The following MINDY4 variants were observed in gnomAD, a reference collection of about 807,000 sequenced individuals.
The protein encoded by MINDY4 is probable ubiquitin carboxyl-terminal hydrolase MINDY-4.
In MINDY4, 68 loss-of-function variants were observed where a neutral mutation model predicts 87.0. That is an observed-to-expected ratio of 0.78 (90% confidence interval 0.64 to 0.96). MINDY4 has a LOEUF of 0.96. Ranked by LOEUF, MINDY4 falls within the 40% of genes least tolerant of loss-of-function variation. MINDY4 has a pLI of 0.00. For missense variants in MINDY4, 919 were observed against 928.2 expected, an observed-to-expected ratio of 0.99 and a Z score of 0.13; for synonymous variants, 379 against 363.2, an observed-to-expected ratio of 1.04 and a Z score of -0.50.
chr7:30,844,215 C>T (rs1339622339), intron 9 of MINDY4, among the ~76,000 whole-genome samples: 7 of 152,148 alleles, frequency 4.6e-5, no homozygotes, highest in African/African-American at 1.7e-4. Flanking sequence ...CCTAGCAGGC[C>T]TCAGGGGACA....
At chr7:30,868,887 C>G (rs1458633348) in intron 13 of MINDY4, among the ~76,000 whole-genome samples, 1 of 152,156 alleles carries the variant, frequency 6.6e-6, no homozygotes, top group Admixed American at 6.5e-5. Flanking sequence ...GGGTTCTGAC[C>G]CTTCGCTGCC....
At chr7:30,778,231 G>A in intron 1 of MINDY4, among the ~76,000 whole-genome samples, 1 of 152,184 alleles carries the variant, frequency 6.6e-6, no homozygotes, top group East Asian at 1.9e-4. Flanking sequence ...CTGCGAAATG[G>A]CCTGAAAACT....
At chr7:30,793,471 A>G (rs1467773457) in intron 5 of MINDY4, among the ~76,000 whole-genome samples, 2 of 150,000 alleles carry the variant, frequency 1.3e-5, no homozygotes, top group East Asian at 3.9e-4. Context: ...GATGGAGCAC[A>G]GTGGCGCAAT....
At position 30,874,768 on chromosome 7, in the gene MINDY4, G is replaced by T. The variant is rs528421354; in HGVS notation, c.1810-727G>T. Among the ~76,000 whole-genome samples the T allele has an allele frequency of 2.0e-5, 3 of 152,272 alleles. No individual in the cohort carries two copies. In the South Asian group the frequency reaches 6.2e-4, roughly 32 times the overall value. On this transcript the variant is annotated intron_variant, in intron 14 of 17. Transcript: ENST00000265299. ...TACCTTCCTCGGCTTTCCCTGCCCT[G>T]TTAAAACCCCACCGTCACTAATGAA... is the stretch of plus-strand genomic sequence containing the variant.
intron 6 of MINDY4, among the ~76,000 whole-genome samples, chr7:30,831,458 A>T (rs1474802113): frequency 6.6e-6 from 1 of 152,178 alleles, no homozygotes; most frequent in Non-Finnish European, 1.5e-5. Flanking sequence ...AAATAGAAAG[A>T]TAAGGACATA....
In MINDY4 at chr7:30,785,863, A is replaced by G. The variant is rs1312216015; in HGVS notation, c.534A>G (p.Ala178=). 3 of 1,614,238 alleles carry G rather than the reference A, an allele frequency of 1.9e-6. No homozygotes were observed. The highest frequency in any genetic ancestry group is 4.5e-5 in the East Asian group (2 of 44,888). ...GTGAAACTCCTGTGTTGACTTCTGCATGGGAGAAGATAGACAAGCTTCACT... is the reference window on the plus strand; with the variant it reads ...GTGAAACTCCTGTGTTGACTTCTGCGTGGGAGAAGATAGACAAGCTTCACT... ...VPGETPVLTS[A]WEKIDKLHSE... is the part of the protein sequence containing the mutation. Residue 178 remains alanine, a synonymous_variant, in exon 4 of 18, where the codon GCA becomes GCG. Coordinates refer to ENST00000265299, the MANE Select transcript of MINDY4 (RefSeq NM_032222.3).
At chr7:30,889,587 A>G (rs1790735519) in intron 17 of MINDY4, among the ~76,000 whole-genome samples, 1 of 152,226 alleles carries the variant, frequency 6.6e-6, no homozygotes. Flanking sequence ...AGTGAAGATG[A>G]ACGCTCTGAT....
chr7:30,793,075 T>C (rs1361155559), intron 5 of MINDY4, among the ~76,000 whole-genome samples: 1 of 148,800 alleles, frequency 6.7e-6, no homozygotes, highest in Non-Finnish European at 1.5e-5. Flanking sequence ...ACCCATGGGT[T>C]ATTTAGGCAT....
intron 13 of MINDY4, among the ~76,000 whole-genome samples, chr7:30,867,227 C>T (rs557222786): frequency 1.8e-4 from 28 of 152,276 alleles, no homozygotes; most frequent in East Asian, 5.8e-4. Flanking sequence ...AGTTGATATC[C>T]GCTGTATCCA....
At chr7:30,784,540 G>A (rs1475035865) in intron 3 of MINDY4, among the ~76,000 whole-genome samples, 1 of 152,192 alleles carries the variant, frequency 6.6e-6, no homozygotes, top group Non-Finnish European at 1.5e-5. Context: ...GTCTGGCCAT[G>A]CCGCTATCCT....
chr7:30,867,484 G>A (rs1416953570), intron 13 of MINDY4, among the ~76,000 whole-genome samples: 2 of 152,132 alleles, frequency 1.3e-5, no homozygotes, highest in African/African-American at 4.8e-5. Context: ...TTAATAGAAG[G>A]AGGCATCATT....
chr7:30,836,937 A>G (rs1224412171), intron 7 of MINDY4, among the ~76,000 whole-genome samples, 173 bp downstream of exon 7: 1 of 152,166 alleles, frequency 6.6e-6, no homozygotes, highest in African/African-American at 2.4e-5. Context: ...GGAAAACTGC[A>G]GTCTAGTCCT....
At chr7:30,833,669 A>T (rs1040660829) in intron 6 of MINDY4, among the ~76,000 whole-genome samples, 1 of 152,248 alleles carries the variant, frequency 6.6e-6, no homozygotes, top group African/African-American at 2.4e-5. Flanking sequence ...CCACAGTTTA[A>T]AGTCTCATTT....
At chr7:30,799,164 A>AG (rs1288146785) in intron 5 of MINDY4, among the ~76,000 whole-genome samples, 1 of 152,108 alleles carries the variant, frequency 6.6e-6, no homozygotes, top group African/African-American at 2.4e-5. Flanking sequence ...CTGTAAATGA[A>AG]GGGGTAGGAT....
intron 5 of MINDY4, among the ~76,000 whole-genome samples, chr7:30,794,044 A>G (rs1787404807): frequency 6.6e-6 from 1 of 152,186 alleles, no homozygotes; most frequent in Non-Finnish European, 1.5e-5. Flanking sequence ...CAGACTGGCA[A>G]ATGGAATATG....
chr7:30,810,981 C>A (rs1195002384), intron 5 of MINDY4, among the ~76,000 whole-genome samples: 1 of 152,100 alleles, frequency 6.6e-6, no homozygotes, highest in African/African-American at 2.4e-5. Flanking sequence ...TTCCACTTTT[C>A]TTTCCCTCAA....
At chr7:30,863,728 C>T (rs73301943) in intron 13 of MINDY4, among the ~76,000 whole-genome samples, 3 of 152,304 alleles carry the variant, frequency 2.0e-5, no homozygotes, top group African/African-American at 4.8e-5. Flanking sequence ...CAAGAAGAGT[C>T]GAGAAACAGA....
intron 6 of MINDY4, among the ~76,000 whole-genome samples, chr7:30,832,947 A>T (rs1049257130): frequency 6.6e-6 from 1 of 152,092 alleles, no homozygotes; most frequent in Admixed American, 6.5e-5. Flanking sequence ...TGCTTAATCT[A>T]TATCTTTTTC....
At position 30,892,143 on chromosome 7, in the gene MINDY4, C is replaced by T; in HGVS notation, c.*138C>T. Reference sequence around the variant, plus strand: ...ATGACTGCAGAAGCATCCAGAGCCTCCCTGCCCCTTCCATGAAGGGCCCAC... The same window carrying T: ...ATGACTGCAGAAGCATCCAGAGCCTTCCTGCCCCTTCCATGAAGGGCCCAC... On this transcript the variant is annotated 3_prime_UTR_variant, in exon 18 of 18. Coordinates refer to ENST00000265299, the MANE Select transcript of MINDY4 (RefSeq NM_032222.3). 1.1e-6 allele frequency: 1 copy of T among 879,908 alleles called. No homozygotes were observed. Among genetic ancestry groups the T allele is most frequent in the South Asian group, 1.5e-5 (1 of 67,424 alleles). The allele number at this position is 879,908 out of a possible 1,614,324, so 54.5% of individuals were successfully genotyped here. A position where few individuals can be genotyped will look rare whatever the true frequency, so the allele number is the denominator to read the frequency against.
Sources: gnomAD v4.1 joint callset for allele counts (sites outside exome capture counted in the v4.1 genomes callset) on GRCh38, gnomAD v4.1.1 for gene constraint, MANE v1.5 for transcripts, NCBI Gene and HGNC (gene_info 2026-07-23, HGNC 2026-07-21) for gene names.